DOK6: variants seen among roughly 807,000 people sequenced by gnomAD.
DOK6 encodes downstream of tyrosine kinase 6.
In DOK6, 22 loss-of-function variants were observed where a neutral mutation model predicts 44.0. The ratio of observed to expected loss-of-function variants is 0.50; its 90% CI spans 0.36 to 0.71. The LOEUF (loss-of-function observed/expected upper bound fraction) is 0.71, where lower values mean the gene tolerates loss of function less well. DOK6 is among the 30% of genes least tolerant of loss of function. The pLI, the probability that DOK6 is intolerant of heterozygous loss-of-function variation, is 0.00. For missense variants in DOK6, 340 were observed against 416.4 expected (o/e 0.82, Z 1.60); for synonymous variants, 166 against 145.5 (o/e 1.14, Z -1.01).
intron 1 of DOK6, among the ~76,000 whole-genome samples, chr18:69,553,686 C>CT (rs1982619860): frequency 6.6e-6 from 1 of 152,208 alleles, no homozygotes; most frequent in South Asian, 2.1e-4. Context: ...AGAATCCCAG[C>CT]TTGTCTCCCT....
At position 69,538,021 on chromosome 18, in the gene DOK6, C is replaced by T. The variant is rs148088017; in HGVS notation, c.67-26466C>T. Among the ~76,000 whole-genome samples, 41 of 152,034 alleles carry T rather than the reference C, an allele frequency of 2.7e-4. 1 individual carries two copies. The highest frequency in any genetic ancestry group is 9.7e-4 in the African/African-American group (40 of 41,406). The stretch of plus-strand genomic sequence containing the variant: ...AGATTTAAAATAAAACTGTCATGTT[C>T]AATTTGATGCTTTATGATTGTGACA... On this transcript the variant is annotated intron_variant, in intron 1 of 7. Transcript: ENST00000382713.
intron 1 of DOK6, among the ~76,000 whole-genome samples, chr18:69,438,106 G>T (rs2122437102): frequency 6.6e-6 from 1 of 152,230 alleles, no homozygotes; most frequent in East Asian, 1.9e-4. Flanking sequence ...GGTGGGTGTG[G>T]CAACTTTTAA....
intron 1 of DOK6, among the ~76,000 whole-genome samples, chr18:69,446,850 G>A (rs192861862): frequency 4.1e-4 from 62 of 152,280 alleles, no homozygotes; most frequent in Non-Finnish European, 6.9e-4. Context: ...CTGCATAAAC[G>A]TCTTCTTTTG....
At chr18:69,641,130 G>C (rs1393445284) in intron 3 of DOK6, among the ~76,000 whole-genome samples, 3 of 151,696 alleles carry the variant, frequency 2.0e-5, no homozygotes, top group Admixed American at 6.6e-5. Flanking sequence ...GCAGGGTATC[G>C]TTTGAACCTG....
At chr18:69,567,131 G>A (rs1052697737) in intron 2 of DOK6, among the ~76,000 whole-genome samples, 26 of 152,058 alleles carry the variant, frequency 1.7e-4, no homozygotes, top group African/African-American at 5.1e-4. Context: ...TGGTCTATCC[G>A]TTAGCCTGGC....
At chr18:69,478,580 A>G (rs8089635) in intron 1 of DOK6, among the ~76,000 whole-genome samples, 67,903 of 151,996 alleles carry the variant, frequency 0.45, 15,880 homozygotes, top group Middle Eastern at 0.55. Flanking sequence ...AACAAATTCA[A>G]TATATGCCAT....
intron 3 of DOK6, among the ~76,000 whole-genome samples, chr18:69,621,911 G>A (rs1984452215): frequency 6.6e-6 from 1 of 152,072 alleles, no homozygotes; most frequent in South Asian, 2.1e-4. Flanking sequence ...TTAAAATAAT[G>A]TAATTAAAAG....
chr18:69,677,919 A>G, intron 4 of DOK6, 66 bp downstream of exon 4: 1 of 1,552,374 alleles, frequency 6.4e-7, no homozygotes, highest in Non-Finnish European at 8.7e-7. Flanking sequence ...TGAAACTGGA[A>G]AGGATCTCAG....
intron 1 of DOK6, among the ~76,000 whole-genome samples, chr18:69,553,619 C>T (rs1473590201): frequency 6.6e-6 from 1 of 152,128 alleles, no homozygotes; most frequent in Non-Finnish European, 1.5e-5. Context: ...GTATGTGAAG[C>T]CCCCAGCACG....
chr18:69,671,093 C>T (rs1985787995), intron 3 of DOK6, among the ~76,000 whole-genome samples: 1 of 152,116 alleles, frequency 6.6e-6, no homozygotes, highest in African/African-American at 2.4e-5. Flanking sequence ...TTGTTTTAAG[C>T]TCTTGTGTCA....
chr18:69,453,025 G>A (rs1156657084), intron 1 of DOK6, among the ~76,000 whole-genome samples: 22 of 99,120 alleles, frequency 2.2e-4, no homozygotes, highest in East Asian at 5.7e-4. Context: ...CTCTCTCACC[G>A]CTCCTATTCA....
At chr18:69,671,998 C>T (rs1396887545) in intron 3 of DOK6, among the ~76,000 whole-genome samples, 4 of 152,154 alleles carry the variant, frequency 2.6e-5, no homozygotes, top group Admixed American at 6.5e-5. Flanking sequence ...GAACCAATCT[C>T]ATCTGATATT....
chr18:69,414,049 C>T (rs1460661772), intron 1 of DOK6, among the ~76,000 whole-genome samples: 2 of 152,006 alleles, frequency 1.3e-5, no homozygotes, highest in Non-Finnish European at 2.9e-5. Context: ...GATATCATTA[C>T]ACACCTATTG....
chr18:69,772,146 G>A (rs928106808), intron 7 of DOK6, among the ~76,000 whole-genome samples: 1 of 151,806 alleles, frequency 6.6e-6, no homozygotes, highest in African/African-American at 2.4e-5. Context: ...CTCGAGTCTG[G>A]GTGACAGAAT....
chr18:69,606,696 G>A (rs1221977214), intron 3 of DOK6, among the ~76,000 whole-genome samples: 2 of 150,734 alleles, frequency 1.3e-5, no homozygotes, highest in Non-Finnish European at 1.5e-5. Flanking sequence ...TGCAGGATAC[G>A]AGATCAACGT....
At chr18:69,777,142 T>TAA (rs34442807) in intron 7 of DOK6, among the ~76,000 whole-genome samples, 3 of 145,880 alleles carry the variant, frequency 2.1e-5, no homozygotes, top group African/African-American at 7.6e-5. Flanking sequence ...TAAAGTATAA[T>TAA]AAAAAAAAAA....
At chr18:69,523,000 A>C (rs1981730347) in intron 1 of DOK6, among the ~76,000 whole-genome samples, 1 of 152,116 alleles carries the variant, frequency 6.6e-6, no homozygotes. Flanking sequence ...TTCCTGCCAG[A>C]GAAAGACAAA....
chr18:69,642,931 A>G (rs1010832999), intron 3 of DOK6, among the ~76,000 whole-genome samples: 12 of 152,356 alleles, frequency 7.9e-5, no homozygotes, highest in Middle Eastern at 3.4e-3. Context: ...TGCATAGATC[A>G]AATAGCACAC....
chr18:69,818,439 G>C (rs1370162824), intron 7 of DOK6, among the ~76,000 whole-genome samples: 1 of 152,130 alleles, frequency 6.6e-6, no homozygotes, highest in East Asian at 1.9e-4. Flanking sequence ...GGTAACACTA[G>C]GCAAATCTGA....
Sources: allele counts gnomAD v4.1 joint callset (sites outside exome capture counted in the v4.1 genomes callset), GRCh38; gene constraint gnomAD v4.1.1; transcripts MANE v1.5; gene names NCBI Gene and HGNC (gene_info 2026-07-23, HGNC 2026-07-21).